PLA2G4E: variants seen among roughly 807,000 people sequenced by gnomAD.
The protein encoded by PLA2G4E is phospholipase A2 group IVE.
Under a neutral mutation model 109.1 loss-of-function variants are expected in PLA2G4E, and 84 were observed. That is an observed-to-expected ratio of 0.77 (90% CI 0.65 to 0.92). PLA2G4E has a LOEUF of 0.92. Ranked by LOEUF, PLA2G4E falls within the 40% of genes least tolerant of loss-of-function variation. The pLI, the probability that PLA2G4E is intolerant of heterozygous loss-of-function variation, is 0.00. For missense variants in PLA2G4E, 1,057 were observed against 1,076.6 expected (o/e 0.98, Z 0.25); for synonymous variants, 469 against 436.1 (o/e 1.08, Z -0.94).
At chr15:42,016,660 C>G (rs533245389) in intron 1 of PLA2G4E, among the ~76,000 whole-genome samples, 1 of 152,246 alleles carries the variant, frequency 6.6e-6, no homozygotes, top group East Asian at 1.9e-4. Flanking sequence ...TTCTGATCAG[C>G]AACAGAATGC....
chr15:42,013,740 G>C (rs1216899783), exon 2 of PLA2G4E: 3 of 1,550,394 alleles, frequency 1.9e-6, no homozygotes, highest in Non-Finnish European at 1.7e-6. Flanking sequence ...TCAACAGGTG[G>C]CATGGAGACA....
intron 1 of PLA2G4E, among the ~76,000 whole-genome samples, chr15:42,030,251 A>G (rs1225326884): frequency 6.6e-6 from 1 of 152,160 alleles, no homozygotes; most frequent in African/African-American, 2.4e-5. Flanking sequence ...AGTTGAAGAA[A>G]GAGAGGAAAC....
intron 7 of PLA2G4E, among the ~76,000 whole-genome samples, 152 bp from the exon 8 acceptor site, chr15:42,000,434 G>A (rs915621782): frequency 3.2e-4 from 48 of 152,166 alleles, no homozygotes; most frequent in African/African-American, 9.4e-4. Context: ...TCAATCTATA[G>A]GGTAGGGCAG....
rs1053265623 is a variant in PLA2G4E at position 42,006,768 on chromosome 15, G to T, written c.394-647C>A. ...GCCTCTTGTTCCAAGGATCCTGGGGGATGTGGGTTGAGGCTGCCTCTTAAA... is the reference window on the plus strand; with the variant it reads ...GCCTCTTGTTCCAAGGATCCTGGGGTATGTGGGTTGAGGCTGCCTCTTAAA... On this transcript the variant is annotated intron_variant, in intron 3 of 19. Transcript: ENST00000399518. Among the ~76,000 whole-genome samples, 7 of 152,186 alleles carry T rather than the reference G, an allele frequency of 4.6e-5. 1 individual carries two copies. Among genetic ancestry groups the T allele is most frequent in the Admixed American group, 3.9e-4 (6 of 15,284 alleles).
intron 1 of PLA2G4E, among the ~76,000 whole-genome samples, chr15:42,048,316 A>T (rs1889449148): frequency 6.6e-6 from 1 of 152,220 alleles, no homozygotes; most frequent in South Asian, 2.1e-4. Flanking sequence ...TTGCCTAATG[A>T]TGCATTTCTC....
intron 12 of PLA2G4E, 97 bp downstream of exon 12, chr15:41,995,263 G>T (rs571479769): frequency 1.4e-6 from 2 of 1,469,334 alleles, no homozygotes; most frequent in African/African-American, 1.4e-5. Context: ...GAGTCACTTT[G>T]TCTTTGGGTG....
rs75104919 is a variant in PLA2G4E, at chr15:42,048,489, C to T, written c.183+2032G>A. Among the ~76,000 whole-genome samples the T allele has an allele frequency of 8.1e-3, 1,229 of 152,168 alleles. 19 individuals carry two copies. Among genetic ancestry groups the T allele is most frequent in the African/African-American group, 0.028 (1,163 of 41,516 alleles). On this transcript the variant is annotated intron_variant, in intron 1 of 19. Coordinates refer to ENST00000399518, the Ensembl canonical transcript of PLA2G4E. ...ATTAAATACAATGTCTTTTTGTGGT[C>T]GTCTGTGTCCCAGTCATGTGGGCCT...
At chr15:42,002,798 A>C (rs1024730015) in intron 5 of PLA2G4E, 102 bp from the exon 6 acceptor site, 2 of 1,127,184 alleles carry the variant, frequency 1.8e-6, no homozygotes, top group Non-Finnish European at 2.6e-6. Flanking sequence ...AAAATATCAG[A>C]GCCTTCTTTG....
intron 1 of PLA2G4E, among the ~76,000 whole-genome samples, chr15:42,045,305 A>G (rs1668599): frequency 0.95 from 144,517 of 152,176 alleles, 68,831 homozygotes; most frequent in East Asian, 1. Context: ...AGCCCTGCTG[A>G]GAGGGAAGGG....
At chr15:41,992,744 C>T (rs1169169671) in exon 13 of PLA2G4E, 1 of 1,611,370 alleles carries the variant, frequency 6.2e-7, no homozygotes, top group Non-Finnish European at 8.5e-7. Context: ...TACCTCGTCC[C>T]CCAGGCAGGT....
intron 1 of PLA2G4E, among the ~76,000 whole-genome samples, chr15:42,032,195 C>G (rs1352882107): frequency 6.6e-6 from 1 of 152,200 alleles, no homozygotes; most frequent in African/African-American, 2.4e-5. Flanking sequence ...CCTGCAGAAC[C>G]TCTTTTCTTT....
rs2068151283 is a variant in PLA2G4E, at chr15:41,986,948, T to A, written c.2035+224A>T. The stretch of plus-strand genomic sequence containing the variant: ...GTACAGATTCTGTATAGAATGACTG[T>A]ACAGATGCAGTGAGTTAAGTACCCA... On this transcript the variant is annotated intron_variant, in intron 17 of 19. Coordinates refer to ENST00000399518, the Ensembl canonical transcript of PLA2G4E. 6.8e-6 allele frequency: 4 copies of A among 585,354 alleles called. No homozygotes were observed. The East Asian group carries it at 8.6e-5, about 13-fold the overall frequency. The allele number at this position is 585,354 out of a possible 1,614,324, so 36.3% of individuals were successfully genotyped here.
chr15:42,000,370 T>C, intron 7 of PLA2G4E, 88 bp from the exon 8 acceptor site: 4 of 1,293,396 alleles, frequency 3.1e-6, no homozygotes, highest in Non-Finnish European at 4.2e-6. Flanking sequence ...TTTGGAGGTA[T>C]CCAGGAGGAG....
intron 2 of PLA2G4E, 87 bp downstream of exon 2, chr15:42,013,598 C>T (rs1407978102): frequency 1.8e-5 from 24 of 1,327,894 alleles, no homozygotes; most frequent in East Asian, 1.0e-4. Context: ...CACACACACA[C>T]GGATCCACCT....
At chr15:41,994,405 G>C (rs2068304338) in intron 12 of PLA2G4E, among the ~76,000 whole-genome samples, 1 of 152,254 alleles carries the variant, frequency 6.6e-6, no homozygotes, top group Non-Finnish European at 1.5e-5. Context: ...ACAAGGCACA[G>C]CAAGGGACCT....
chr15:42,007,879 A>G lies in PLA2G4E; in HGVS notation c.257-14T>C, dbSNP rs756063724. ...CTGTCTGGCTCACTGTCCAAGAAAG[A>G]TAAGTGGAACCAATCCAGGTTCAGA... On this transcript the variant is annotated splice_polypyrimidine_tract_variant and intron_variant, in intron 2 of 19. Transcript: ENST00000399518. The G allele has an allele frequency of 1.9e-6, 3 of 1,593,452 alleles. No individual in the cohort carries two copies. The highest frequency in any genetic ancestry group is 1.7e-5 in the Admixed American group (1 of 57,636).
intron 10 of PLA2G4E, 44 bp downstream of exon 10, chr15:41,999,480 G>A (rs767415178): frequency 7.0e-7 from 1 of 1,425,878 alleles, no homozygotes; most frequent in South Asian, 1.2e-5. Context: ...CACACCCACT[G>A]CTATGAATAA....
At chr15:42,031,081 C>T (rs1889103001) in intron 1 of PLA2G4E, among the ~76,000 whole-genome samples, 1 of 152,170 alleles carries the variant, frequency 6.6e-6, no homozygotes, top group South Asian at 2.1e-4. Flanking sequence ...GATCCTCTCA[C>T]TTCAGCCTCC....
chr15:42,014,094 G>A (rs1291299159), intron 1 of PLA2G4E, among the ~76,000 whole-genome samples: 3 of 151,910 alleles, frequency 2.0e-5, no homozygotes, highest in East Asian at 1.9e-4. Context: ...GTTTCACCAC[G>A]TTGTCCAGGC....
Sources: allele counts gnomAD v4.1 joint callset (sites outside exome capture counted in the v4.1 genomes callset), GRCh38; gene constraint gnomAD v4.1.1; transcripts MANE v1.5; gene names NCBI Gene and HGNC (gene_info 2026-07-23, HGNC 2026-07-21).